Variants in ARHGEF17 observed in about 807,000 individuals in gnomAD.
ARHGEF17 encodes the protein Rho guanine nucleotide exchange factor 17, also known as 164 kDa Rho-specific guanine-nucleotide exchange factor.
A neutral mutation model predicts 174.0 loss-of-function variants in ARHGEF17; 80 were observed. That is an observed-to-expected ratio of 0.46 (90% CI 0.38 to 0.55). The LOEUF is 0.55. Among genes scored for constraint, ARHGEF17 ranks in the 20% least tolerant of loss-of-function variants. The probability of loss-of-function intolerance (pLI) is 0.00; values close to 1 mark genes in which losing one functional copy is unlikely to be tolerated. For missense variants in ARHGEF17, 2,886 were observed against 2,839.7 expected (o/e 1.02, Z -0.37); for synonymous variants, 1,311 against 1,189.1 (o/e 1.10, Z -2.11).
chr11:73,349,894 G>A (rs1865525428), intron 2 of ARHGEF17, among the ~76,000 whole-genome samples: 1 of 152,178 alleles, frequency 6.6e-6, no homozygotes, highest in Non-Finnish European at 1.5e-5. Context: ...TGGAGTGTGG[G>A]AGGAGGACTG....
At chr11:73,334,301 A>G (rs1318543221) in intron 1 of ARHGEF17, among the ~76,000 whole-genome samples, 2 of 152,178 alleles carry the variant, frequency 1.3e-5, no homozygotes, top group Non-Finnish European at 2.9e-5. Flanking sequence ...GGCAGAGCAT[A>G]AAAGTTAGAT....
Position 73,310,383 on chromosome 11 carries a change from C to T in ARHGEF17, c.1745C>T (p.Pro582Leu), listed in dbSNP as rs766783518. 19 of 1,613,808 alleles carry T rather than the reference C, an allele frequency of 1.2e-5. No individual in the cohort carries two copies. In the Admixed American group the frequency reaches 1.5e-4, roughly 13 times the overall value. ...ACAGGCCCTGGTGCCGAGGAGGATC[C>T]GCTGCCCCTCATCGTCCAGGACCAA... is the stretch of plus-strand genomic sequence containing the variant. ...LLTGPGAEED[P>L]LPLIVQDQYV... The change falls in exon 1 of 21, where the codon CCG becomes CTG. Residue 582 changes from proline (P) to leucine (L), a missense_variant. Physicochemically the swap from Pro to Leu is moderately conservative, Grantham distance 98. Transcript: ENST00000263674.
In ARHGEF17 at chr11:73,362,598, G is replaced by A. The variant is rs201943716; in HGVS notation, c.4860G>A (p.Thr1620=). ...ISIAGSGLEM[T]PGLGEGDPRP... ...TTGCAGGCTCGGGCTTGGAGATGAC[G>A]CCGGGCCTCGGCGAGGGTGACCCCC... Residue 1620 remains threonine (T), a synonymous_variant, in exon 14 of 21, where the codon ACG becomes ACA. Coordinates refer to ENST00000263674, the MANE Select transcript of ARHGEF17 (RefSeq NM_014786.4). 3 of 1,610,614 alleles carry A rather than the reference G, an allele frequency of 1.9e-6. No individual in the cohort carries two copies. The highest frequency in any genetic ancestry group is 1.7e-6 in the Non-Finnish European group (2 of 1,179,908).
rs1452457924 is a variant in ARHGEF17, at chr11:73,368,000, G to A, written c.*220G>A. The stretch of plus-strand genomic sequence containing the variant: ...CCCTCTGGCTGCCCCGGTGCTTCCA[G>A]TCATGATCGGGTGGGGGACATGTGG... On this transcript the variant is annotated 3_prime_UTR_variant, in exon 21 of 21. Transcript: ENST00000263674. 3.8e-6 allele frequency: 2 copies of A among 519,868 alleles called. No individual in the cohort carries two copies. The highest frequency in any genetic ancestry group is 6.9e-6 in the Non-Finnish European group (2 of 291,682). 32.2% of individuals were successfully genotyped at this position (519,868 alleles called of 1,614,324 possible). A position where few individuals can be genotyped will look rare whatever the true frequency, so the allele number is the denominator to read the frequency against.
chr11:73,328,971 G>C (rs180973798), intron 1 of ARHGEF17, among the ~76,000 whole-genome samples: 1 of 152,112 alleles, frequency 6.6e-6, no homozygotes, highest in African/African-American at 2.4e-5. Flanking sequence ...TGCAAAGGCT[G>C]TTCAGAGATG....
chr11:73,350,573 T>C (rs2134413765), intron 2 of ARHGEF17, among the ~76,000 whole-genome samples: 1 of 152,308 alleles, frequency 6.6e-6, no homozygotes, highest in Admixed American at 6.5e-5. Context: ...CACTAATTGA[T>C]AAGTGTTGTT....
chr11:73,359,289 C>T (rs1865696649), intron 9 of ARHGEF17, among the ~76,000 whole-genome samples: 1 of 152,254 alleles, frequency 6.6e-6, no homozygotes, highest in Admixed American at 6.5e-5. Context: ...CATGTATGGA[C>T]CACTGGTCCA....
At chr11:73,315,487 G>A (rs922994673) in intron 1 of ARHGEF17, among the ~76,000 whole-genome samples, 1 of 152,154 alleles carries the variant, frequency 6.6e-6, no homozygotes, top group Non-Finnish European at 1.5e-5. Flanking sequence ...CCCTTTTGGC[G>A]GGGAACCTGC....
chr11:73,359,797 C>T (rs1865705794), intron 9 of ARHGEF17, 37 bp from the exon 10 acceptor site: 4 of 1,512,940 alleles, frequency 2.6e-6, no homozygotes, highest in Middle Eastern at 1.8e-4. Flanking sequence ...CCTTGTCTGT[C>T]TCTGTATCAG....
intron 2 of ARHGEF17, among the ~76,000 whole-genome samples, chr11:73,348,712 T>C (rs1430700257): frequency 6.6e-6 from 1 of 152,162 alleles, no homozygotes; most frequent in African/African-American, 2.4e-5. Flanking sequence ...TGGTCACACA[T>C]TATGAATGTA....
rs753459549 is a variant in ARHGEF17 at position 73,310,041 on chromosome 11, C to T, written c.1403C>T (p.Ala468Val). Residue 468 changes from alanine (A) to valine (V), a missense_variant, in exon 1 of 21, where the codon GCC (alanine) becomes GTC (valine). By Grantham distance (64) the Ala-to-Val change is moderately conservative. This residue lies in a region of ARHGEF17 where 1,728 missense variants were observed against 1,461.2 expected (regional missense o/e 1.18). Coordinates refer to ENST00000263674, the MANE Select transcript of ARHGEF17 (RefSeq NM_014786.4). ...QRKSLSNPDI[A>V]SETLTLLSFL... is the part of the protein sequence containing the mutation. ...AAGTCCCTGTCAAATCCAGATATCG[C>T]CTCAGAGACCCTGACGCTTCTCAGT... 3.1e-5 allele frequency: 50 copies of T among 1,614,070 alleles called. No individual in the cohort carries two copies. In the Admixed American group the frequency reaches 8.3e-4, roughly 27 times the overall value.
At chr11:73,358,821 T>G (rs1265721204) in intron 9 of ARHGEF17, among the ~76,000 whole-genome samples, 1 of 152,042 alleles carries the variant, frequency 6.6e-6, no homozygotes, top group Non-Finnish European at 1.5e-5. Context: ...GAGTGTTGAG[T>G]GGACACAAAC....
At chr11:73,352,193 G>A (rs1016126814) in intron 2 of ARHGEF17, among the ~76,000 whole-genome samples, 3 of 152,008 alleles carry the variant, frequency 2.0e-5, no homozygotes, top group East Asian at 1.9e-4. Flanking sequence ...GTGTTGTGGC[G>A]CAGACCTGTA....
chr11:73,310,165 C>A lies in ARHGEF17; in HGVS notation c.1527C>A (p.Ser509=), dbSNP rs200420934. 24 of 1,613,892 alleles carry A rather than the reference C, an allele frequency of 1.5e-5. No homozygotes were observed. The highest frequency in any genetic ancestry group is 1.9e-5 in the Non-Finnish European group (23 of 1,180,006). Residue 509 remains serine (S), a synonymous_variant, in exon 1 of 21, where the codon TCC becomes TCA. Coordinates refer to ENST00000263674, the MANE Select transcript of ARHGEF17 (RefSeq NM_014786.4). The part of the protein sequence containing the change: ...SNPLDGRDSP[S]AGGPVGQLEP... ...CCCTAGATGGCAGAGACTCACCATC[C>A]GCAGGTGGCCCTGTGGGGCAACTTG...
rs1591715954 is a variant in ARHGEF17, at chr11:73,311,600, A to G, written c.2962A>G (p.Ile988Val). ...VGPPVAVPEP[I>V]GFPTRAHPTL... is the part of the protein sequence containing the mutation. ...TCCCCCTGTGGCTGTGCCAGAACCC[A>G]TAGGCTTCCCTACCCGAGCCCATCC... Residue 988 changes from isoleucine (I) to valine (V), a missense_variant, in exon 1 of 21, where the codon ATA (isoleucine) becomes GTA (valine). Coordinates refer to ENST00000263674, the MANE Select transcript of ARHGEF17 (RefSeq NM_014786.4). The G allele has an allele frequency of 2.5e-6, 4 of 1,613,394 alleles. No homozygotes were observed. The highest frequency in any genetic ancestry group is 4.5e-5 in the East Asian group (2 of 44,876).
chr11:73,310,372 C>T lies in ARHGEF17; in HGVS notation c.1734C>T (p.Ala578=), dbSNP rs762014607. The change falls in exon 1 of 21, where the codon GCC becomes GCT. Residue 578 remains alanine (A), a synonymous_variant. Coordinates refer to ENST00000263674, the MANE Select transcript of ARHGEF17 (RefSeq NM_014786.4). The part of the protein sequence containing the change: ...SSELLLTGPG[A]EEDPLPLIVQ... ...AGCTCCTGCTCACAGGCCCTGGTGC[C>T]GAGGAGGATCCGCTGCCCCTCATCG... 17 of 1,613,738 alleles carry T rather than the reference C, an allele frequency of 1.1e-5. No individual in the cohort carries two copies. Among genetic ancestry groups the T allele is most frequent in the South Asian group, 4.4e-5 (4 of 91,088 alleles).
At chr11:73,352,717 G>T in intron 2 of ARHGEF17, 113 bp from the exon 3 acceptor site, 1 of 1,148,586 alleles carries the variant, frequency 8.7e-7, no homozygotes, top group Non-Finnish European at 1.3e-6. Context: ...GGAAGGCAGG[G>T]CGCTGAGCTG....
chr11:73,332,933 C>G (rs1443069821), intron 1 of ARHGEF17, among the ~76,000 whole-genome samples: 3 of 152,178 alleles, frequency 2.0e-5, no homozygotes, highest in African/African-American at 7.2e-5. Flanking sequence ...TGCTTTTGCT[C>G]TCTTCCTGTC....
rs140348469 is a variant in ARHGEF17, at chr11:73,310,293, A to C, written c.1655A>C (p.Lys552Thr). Residue 552 changes from lysine to threonine, a missense_variant, in exon 1 of 21, where the codon AAG becomes ACG. Around this residue, in one of 4 missense-constraint regions of ARHGEF17, gnomAD observed 1,728 missense variants for 1,461.2 expected, o/e 1.18. Coordinates refer to ENST00000263674, the MANE Select transcript of ARHGEF17 (RefSeq NM_014786.4). ...GCAAAGTCATTCACCTGCTCTGAGA[A>C]GCCCATGGCCCGCCGCCTGCCCCGC... Reference protein sequence around the residue: ...RRAKSFTCSEKPMARRLPRTS... With the variant: ...RRAKSFTCSETPMARRLPRTS... 3.1e-6 allele frequency: 5 copies of C among 1,613,904 alleles called. No individual in the cohort carries two copies. The highest frequency in any genetic ancestry group is 1.1e-5 in the South Asian group (1 of 91,088).
Sources: allele counts gnomAD v4.1 joint callset (sites outside exome capture counted in the v4.1 genomes callset), GRCh38; gene constraint gnomAD v4.1.1; regional missense constraint gnomAD v4.1.1; transcripts MANE v1.5; gene names NCBI Gene and HGNC (gene_info 2026-07-23, HGNC 2026-07-21).